Variants in TULP4 observed in about 807,000 individuals in gnomAD.
TULP4 encodes tubby-related protein 4.
Under a neutral mutation model 129.0 loss-of-function variants are expected in TULP4, and 16 were observed. The ratio of observed to expected loss-of-function variants is 0.12; its 90% CI spans 0.08 to 0.19. TULP4 has a LOEUF of 0.19. Among genes scored for constraint, TULP4 ranks in the 10% least tolerant of loss-of-function variants. The pLI is 1.00. For missense variants in TULP4, 1,842 were observed against 2,059.1 expected (o/e 0.89, Z 2.04); for synonymous variants, 998 against 854.0 (o/e 1.17, Z -2.94).
chr6:158,468,099 C>T (rs1414780054), intron 6 of TULP4, among the ~76,000 whole-genome samples: 1 of 152,154 alleles, frequency 6.6e-6, no homozygotes, highest in Non-Finnish European at 1.5e-5. Context: ...CCTGCTGAGT[C>T]GTGTAAACAG....
At chr6:158,322,419 A>G (rs1779661522) in intron 1 of TULP4, among the ~76,000 whole-genome samples, 1 of 152,192 alleles carries the variant, frequency 6.6e-6, no homozygotes, top group Non-Finnish European at 1.5e-5. Context: ...TACTCAAGTC[A>G]GTAGTAAGTT....
At chr6:158,375,386 G>GA (rs1269107625) in intron 1 of TULP4, among the ~76,000 whole-genome samples, 1 of 152,198 alleles carries the variant, frequency 6.6e-6, no homozygotes, top group Non-Finnish European at 1.5e-5. Flanking sequence ...TTGCCACTGT[G>GA]AATAAAACGA....
chr6:158,372,780 T>C (rs1187813348), intron 1 of TULP4, among the ~76,000 whole-genome samples: 1 of 152,222 alleles, frequency 6.6e-6, no homozygotes, highest in Non-Finnish European at 1.5e-5. Flanking sequence ...CTCCACCATA[T>C]TTCTAAAGTG....
At chr6:158,361,393 C>G (rs1366820422) in intron 1 of TULP4, among the ~76,000 whole-genome samples, 1 of 152,222 alleles carries the variant, frequency 6.6e-6, no homozygotes, top group Non-Finnish European at 1.5e-5. Flanking sequence ...ATGGTTTTCA[C>G]TGTTTAAAAA....
intron 3 of TULP4, among the ~76,000 whole-genome samples, chr6:158,447,911 A>T (rs1000855296): frequency 2.0e-5 from 3 of 152,228 alleles, no homozygotes; most frequent in Admixed American, 6.5e-5. Flanking sequence ...GACACAAAAG[A>T]TGTAAAGTTT....
chr6:158,309,339 C>A (rs1241889315), upstream of TULP4, among the ~76,000 whole-genome samples: 2 of 144,644 alleles, frequency 1.4e-5, no homozygotes, highest in African/African-American at 5.2e-5. Flanking sequence ...CATGGGCAGC[C>A]GGGCAGAGAC....
At chr6:158,483,345 G>C (rs1562585591) in intron 8 of TULP4, among the ~76,000 whole-genome samples, 1 of 152,096 alleles carries the variant, frequency 6.6e-6, no homozygotes, top group Non-Finnish European at 1.5e-5. Context: ...TTATTGGGGG[G>C]ATGGAGGGAC....
chr6:158,443,945 T>C (rs341123), intron 3 of TULP4, among the ~76,000 whole-genome samples: 32,779 of 151,868 alleles, frequency 0.22, 3,609 homozygotes, highest in Admixed American at 0.3. Context: ...TTTGGCCGGG[T>C]GCGGTGGCTC....
intron 1 of TULP4, among the ~76,000 whole-genome samples, chr6:158,355,950 A>G (rs1361659350): frequency 6.6e-6 from 1 of 152,196 alleles, no homozygotes; most frequent in Non-Finnish European, 1.5e-5. Context: ...AAGACAGAAG[A>G]CTGACCAGTG....
chr6:158,459,601 C>G (rs929265338), intron 5 of TULP4, among the ~76,000 whole-genome samples: 1 of 145,680 alleles, frequency 6.9e-6, no homozygotes, highest in African/African-American at 2.4e-5. Context: ...GGGCAACAAC[C>G]CACTTTTCTG....
intron 1 of TULP4, among the ~76,000 whole-genome samples, chr6:158,372,638 C>T (rs551896006): frequency 6.6e-6 from 1 of 152,144 alleles, no homozygotes; most frequent in Non-Finnish European, 1.5e-5. Context: ...TCTGAAATGC[C>T]AAGCATTTTA....
At chr6:158,269,620 AATG>A in intron 1 of TULP4, among the ~76,000 whole-genome samples, 1 of 152,334 alleles carries the variant, frequency 6.6e-6, no homozygotes, top group Admixed American at 6.5e-5. Flanking sequence ...AATCAGGGTC[AATG>A]ATAATTGTCT....
chr6:158,331,104 T>C (rs1486320074), intron 1 of TULP4, among the ~76,000 whole-genome samples: 1 of 152,178 alleles, frequency 6.6e-6, no homozygotes, highest in African/African-American at 2.4e-5. Context: ...TTTTTCCCCC[T>C]GTATTTGATA....
chr6:158,371,194 T>G (rs1194692451), intron 1 of TULP4, among the ~76,000 whole-genome samples: 4 of 152,154 alleles, frequency 2.6e-5, no homozygotes, highest in Admixed American at 2.6e-4. Context: ...CCACTAGACT[T>G]AAATGAGAGG....
intron 1 of TULP4, among the ~76,000 whole-genome samples, chr6:158,288,376 C>G (rs1486081590): frequency 6.6e-6 from 1 of 151,892 alleles, no homozygotes; most frequent in African/African-American, 2.4e-5. Flanking sequence ...ATTTCTAGCA[C>G]AGCATGATAC....
chr6:158,291,741 A>G (rs1199935148), intron 1 of TULP4, among the ~76,000 whole-genome samples: 1 of 152,048 alleles, frequency 6.6e-6, no homozygotes, highest in Non-Finnish European at 1.5e-5. Context: ...TCTCTGTGCT[A>G]TAAAAAAATT....
intron 9 of TULP4, among the ~76,000 whole-genome samples, chr6:158,490,693 C>G (rs1780179674): frequency 6.6e-6 from 1 of 152,170 alleles, no homozygotes; most frequent in Admixed American, 6.5e-5. Context: ...TACCCATTCC[C>G]TAGAAGTAAT....
chr6:158,351,335 G>A (rs1472412465), intron 1 of TULP4, among the ~76,000 whole-genome samples: 3 of 152,162 alleles, frequency 2.0e-5, no homozygotes, highest in Non-Finnish European at 4.4e-5. Flanking sequence ...ATATTTTTGT[G>A]CCTCAGTTCT....
chr6:158,366,260 C>T (rs1199645752), intron 1 of TULP4, among the ~76,000 whole-genome samples: 1 of 152,166 alleles, frequency 6.6e-6, no homozygotes, highest in Non-Finnish European at 1.5e-5. Flanking sequence ...GTTTAGAAGC[C>T]TGTCTTAAGT....
Sources: gnomAD v4.1 joint callset for allele counts (sites outside exome capture counted in the v4.1 genomes callset) on GRCh38, gnomAD v4.1.1 for gene constraint, MANE v1.5 for transcripts, NCBI Gene and HGNC (gene_info 2026-07-23, HGNC 2026-07-21) for gene names.